The following DZANK1 variants were observed in gnomAD, a reference collection of about 807,000 sequenced individuals.
DZANK1 encodes the protein double zinc ribbon and ankyrin repeat-containing protein 1.
DZANK1 carries 91 observed loss-of-function variants against 94.5 expected under a neutral mutation model. That is an observed-to-expected ratio of 0.96 (90% CI 0.81 to 1.15). The LOEUF (loss-of-function observed/expected upper bound fraction) is 1.15, where lower values mean the gene tolerates loss of function less well. Among genes scored for constraint, DZANK1 ranks in the 50% most tolerant of loss-of-function variants. The probability of loss-of-function intolerance (pLI) is 0.00; values close to 1 mark genes in which losing one functional copy is unlikely to be tolerated. For missense variants in DZANK1, 903 were observed against 916.4 expected (o/e 0.99, Z 0.19); for synonymous variants, 312 against 325.3 (o/e 0.96, Z 0.44).
intron 10 of DZANK1, among the ~76,000 whole-genome samples, chr20:18,419,437 C>G (rs1213746418): frequency 6.6e-6 from 1 of 152,034 alleles, no homozygotes; most frequent in Non-Finnish European, 1.5e-5. Context: ...TTTACAGCGA[C>G]AAGATTCTAA....
At chr20:18,414,042 C>A (rs1313160982) in intron 12 of DZANK1, among the ~76,000 whole-genome samples, 1 of 152,142 alleles carries the variant, frequency 6.6e-6, no homozygotes, top group East Asian at 1.9e-4. Flanking sequence ...ATCTTATATA[C>A]CCTAAGCTTT....
At chr20:18,453,673 T>C (rs1440202194) in intron 5 of DZANK1, 58 bp downstream of exon 5, 2 of 1,228,138 alleles carry the variant, frequency 1.6e-6, no homozygotes, top group South Asian at 2.5e-5. Context: ...GAACATGCCA[T>C]GAACCTCTTC....
chr20:18,466,513 T>G (rs1021284142), intron 1 of DZANK1, among the ~76,000 whole-genome samples: 1 of 152,206 alleles, frequency 6.6e-6, no homozygotes, highest in African/African-American at 2.4e-5. Flanking sequence ...AGCACAACAA[T>G]AGCTCCTACG....
intron 8 of DZANK1, among the ~76,000 whole-genome samples, chr20:18,438,061 A>C (rs1020913158): frequency 6.6e-6 from 1 of 151,808 alleles, no homozygotes; most frequent in Non-Finnish European, 1.5e-5. Context: ...TACTAAAAAT[A>C]CAAAAAAATT....
At chr20:18,428,934 C>A (rs1459326222) in intron 9 of DZANK1, among the ~76,000 whole-genome samples, 6 of 152,182 alleles carry the variant, frequency 3.9e-5, no homozygotes, top group African/African-American at 1.4e-4. Flanking sequence ...CTAAACAACT[C>A]CTAAAGGGCA....
chr20:18,452,270 T>C (rs2059129780), intron 6 of DZANK1, among the ~76,000 whole-genome samples: 1 of 152,306 alleles, frequency 6.6e-6, no homozygotes, highest in African/African-American at 2.4e-5. Flanking sequence ...GGCCTGAGAA[T>C]GTGTGTTTCA....
At chr20:18,465,943 A>G (rs995482113) in intron 1 of DZANK1, among the ~76,000 whole-genome samples, 1 of 152,238 alleles carries the variant, frequency 6.6e-6, no homozygotes. Context: ...TCTCAGTGGA[A>G]AGGAAGTTTG....
At position 18,455,237 on chromosome 20, in the gene DZANK1, C is replaced by G; in HGVS notation, c.378+10G>C. On this transcript the variant is annotated intron_variant, in intron 4 of 20. Transcript: ENST00000262547. ...TGACAATCTGAATGGATTATAGTTT[C>G]ATTACTTGCCTGCCTTGAAGAATCT... 6.3e-7 allele frequency: 1 copy of G among 1,580,716 alleles called. No individual in the cohort carries two copies. Among genetic ancestry groups the G allele is most frequent in the South Asian group, 1.2e-5 (1 of 86,702 alleles).
At chr20:18,452,681 C>T (rs1340946617) in exon 6 of DZANK1, 8 of 1,607,758 alleles carry the variant, frequency 5.0e-6, no homozygotes, top group Non-Finnish European at 6.8e-6. Flanking sequence ...CCAATGGACT[C>T]TCTGAAAAGT....
intron 13 of DZANK1, among the ~76,000 whole-genome samples, chr20:18,405,487 T>G (rs1434231799): frequency 6.6e-6 from 1 of 151,992 alleles, no homozygotes; most frequent in Non-Finnish European, 1.5e-5. Context: ...CATGCCAACA[T>G]CTACATGAGA....
At chr20:18,405,881 T>C (rs1250849485) in intron 13 of DZANK1, among the ~76,000 whole-genome samples, 2 of 152,186 alleles carry the variant, frequency 1.3e-5, no homozygotes, top group Non-Finnish European at 2.9e-5. Flanking sequence ...GTGTGCACTT[T>C]GGGGAGGGAG....
intron 11 of DZANK1, among the ~76,000 whole-genome samples, 187 bp from the exon 12 acceptor site, chr20:18,414,699 G>C (rs1012673746): frequency 2.0e-5 from 3 of 152,158 alleles, no homozygotes; most frequent in Non-Finnish European, 4.4e-5. Flanking sequence ...AAACACTGTG[G>C]TTTTAAAAGA....
chr20:18,397,401 G>T (rs1010645816), intron 14 of DZANK1, among the ~76,000 whole-genome samples: 26 of 152,218 alleles, frequency 1.7e-4, no homozygotes, highest in African/African-American at 6.3e-4. Flanking sequence ...TTTTATAATG[G>T]CAATGTAGTA....
At chr20:18,400,584 T>C (rs1449666607) in intron 13 of DZANK1, among the ~76,000 whole-genome samples, 2 of 152,204 alleles carry the variant, frequency 1.3e-5, no homozygotes, top group African/African-American at 2.4e-5. Context: ...TGATGAGGCA[T>C]GCTAGCAATG....
At chr20:18,435,866 A>G (rs1199257207) in intron 8 of DZANK1, among the ~76,000 whole-genome samples, 1 of 152,150 alleles carries the variant, frequency 6.6e-6, no homozygotes, top group Non-Finnish European at 1.5e-5. Flanking sequence ...AAAGCCTGAC[A>G]CTAGTGGCCA....
chr20:18,437,746 T>C (rs1374114232), intron 8 of DZANK1, among the ~76,000 whole-genome samples: 1 of 152,090 alleles, frequency 6.6e-6, no homozygotes, highest in East Asian at 1.9e-4. Context: ...AAACATCTCA[T>C]GTACCCATAA....
intron 6 of DZANK1, among the ~76,000 whole-genome samples, chr20:18,451,471 T>C (rs1210000703): frequency 6.6e-6 from 1 of 152,146 alleles, no homozygotes; most frequent in Admixed American, 6.5e-5. Context: ...AGGACTTTCT[T>C]CATTTTCCTT....
At chr20:18,454,097 T>C (rs946952497) in intron 4 of DZANK1, 2 of 517,190 alleles carry the variant, frequency 3.9e-6, no homozygotes, top group African/African-American at 3.8e-5. Flanking sequence ...GGCAGGATGT[T>C]ACAACTGTGG....
chr20:18,388,218 C>T (rs2048630842), intron 19 of DZANK1, among the ~76,000 whole-genome samples: 1 of 152,220 alleles, frequency 6.6e-6, no homozygotes, highest in Non-Finnish European at 1.5e-5. Context: ...GAGCTACATA[C>T]TGCCCACAGT....
Sources: gnomAD v4.1 joint callset for allele counts (sites outside exome capture counted in the v4.1 genomes callset) on GRCh38, gnomAD v4.1.1 for gene constraint, MANE v1.5 for transcripts, NCBI Gene and HGNC (gene_info 2026-07-23, HGNC 2026-07-21) for gene names.